The following CAD variants were observed in gnomAD, a reference collection of about 807,000 sequenced individuals.
CAD encodes the protein carbamoyl-phosphate synthetase 2, aspartate transcarbamylase, and dihydroorotase.
CAD carries 81 observed loss-of-function variants against 237.2 expected under a neutral mutation model. The observed-to-expected ratio is 0.34, with a 90% CI of 0.29 to 0.41. The LOEUF (loss-of-function observed/expected upper bound fraction) is 0.41, where lower values mean the gene tolerates loss of function less well. Among genes scored for constraint, CAD ranks in the 10% least tolerant of loss-of-function variants. CAD has a pLI of 1.00. For missense variants in CAD, 2,181 were observed against 2,951.7 expected (o/e 0.74, Z 6.05); for synonymous variants, 1,196 against 1,162.8 (o/e 1.03, Z -0.58).
rs767613339 is a variant in CAD at position 27,234,041 on chromosome 2, G to T, written c.3433G>T (p.Val1145Leu). The T allele has an allele frequency of 6.2e-7, 1 of 1,614,112 alleles. No individual in the cohort carries two copies. The highest frequency in any genetic ancestry group is 1.1e-5 in the South Asian group (1 of 91,070). Residue 1145 changes from valine to leucine, a missense_variant, in exon 22 of 44, where the codon GTG (valine) becomes TTG (leucine). By Grantham distance (32) the Val-to-Leu change is conservative (BLOSUM62 1). Coordinates refer to ENST00000264705, the MANE Select transcript of CAD (RefSeq NM_004341.5). ...CGTGGATGCCGTGGCCTCTGATGGT[G>T]TGGTGGCAGCCATCGCCATCTCTGA... Reference protein sequence around the residue: ...IDVDAVASDGVVAAIAISEHV... With the variant: ...IDVDAVASDGLVAAIAISEHV...
chr2:27,225,593 T>G, intron 11 of CAD, 112 bp from the exon 12 acceptor site: 51 of 784,250 alleles, frequency 6.5e-5, no homozygotes, highest in Non-Finnish European at 7.6e-5. Flanking sequence ...GTTACAGGCG[T>G]GAGCCACTAT....
intron 8 of CAD, 94 bp downstream of exon 8, chr2:27,224,123 G>A: frequency 3.0e-6 from 3 of 997,434 alleles, no homozygotes; most frequent in Non-Finnish European, 4.7e-6. Context: ...ACTCCTAGAT[G>A]TCTAGGAGGT....
At chr2:27,225,673 A>G (rs758548670) in intron 11 of CAD, 32 bp from the exon 12 acceptor site, 3 of 1,495,240 alleles carry the variant, frequency 2.0e-6, no homozygotes, top group East Asian at 4.5e-5. Context: ...GTAGGAAATA[A>G]CCTGTTTGTT....
rs1239349068 is a variant in CAD, at chr2:27,223,547, A to C, written c.810-16A>C. The C allele has an allele frequency of 6.2e-7, 1 of 1,610,944 alleles. No homozygotes were observed. Among genetic ancestry groups the C allele is most frequent in the Non-Finnish European group, 8.5e-7 (1 of 1,178,944 alleles). On this transcript the variant is annotated splice_polypyrimidine_tract_variant and intron_variant, in intron 6 of 43. Coordinates refer to ENST00000264705, the MANE Select transcript of CAD (RefSeq NM_004341.5). ...GGGTGAGCAGGGCCTGTGACTCGGC[A>C]TGCTTCTACCTCCAGATATGGGAAC...
At chr2:27,226,003 C>CT (rs1274972612) in intron 12 of CAD, 77 bp downstream of exon 12, 1 of 1,521,404 alleles carries the variant, frequency 6.6e-7, no homozygotes. Flanking sequence ...AGGCCAAGGT[C>CT]TTTGAGAGTT....
chr2:27,223,121 T>C lies in CAD; in HGVS notation c.809+84T>C, dbSNP rs547789049. 8 of 1,441,756 alleles carry C rather than the reference T, an allele frequency of 5.5e-6. No homozygotes were observed. The African/African-American group carries it at 8.4e-5, about 15-fold the overall frequency. 89.3% of individuals were successfully genotyped at this position (1,441,756 alleles called of 1,614,324 possible). On this transcript the variant is annotated intron_variant, in intron 6 of 43. Transcript: ENST00000264705. ...CAGGAATGAGAAGAGAGTTGGTGTT[T>C]ATTCGTGTTGAAATAGGAGCGGGGG...
Position 27,232,936 on chromosome 2 carries a change from G to A in CAD, c.2893-106G>A. On this transcript the variant is annotated intron_variant, in intron 18 of 43. Coordinates refer to ENST00000264705, the MANE Select transcript of CAD (RefSeq NM_004341.5). The surrounding 1 kb of genome is among the most constrained non-coding windows in gnomAD (Gnocchi z 4.1). ...CTGTACAGCTCTTTCAGAGGAAGCT[G>A]TGCTGGCAGTCTCTGAAGTAGGGGC... 7 of 857,290 alleles carry A rather than the reference G, an allele frequency of 8.2e-6. No individual in the cohort carries two copies. Among genetic ancestry groups the A allele is most frequent in the South Asian group, 1.4e-5 (1 of 69,582 alleles). The allele number at this position is 857,290 out of a possible 1,614,324, so 53.1% of individuals were successfully genotyped here. A position where few individuals can be genotyped will look rare whatever the true frequency, so the allele number is the denominator to read the frequency against.
Position 27,239,858 on chromosome 2 carries a change from C to A in CAD, c.5496+60C>A. 8.2e-7 allele frequency: 1 copy of A among 1,212,250 alleles called. No homozygotes were observed. Among genetic ancestry groups the A allele is most frequent in the Non-Finnish European group, 1.2e-6 (1 of 868,330 alleles). The allele number at this position is 1,212,250 out of a possible 1,614,324, so 75.1% of individuals were successfully genotyped here. Reference sequence around the variant, plus strand: ...GTTAGTCTCAGGGCAGGATGAACAGCTTGAACATTTTCATTGGTGGTTCAG... The same window carrying A: ...GTTAGTCTCAGGGCAGGATGAACAGATTGAACATTTTCATTGGTGGTTCAG... On this transcript the variant is annotated intron_variant, in intron 34 of 43. Coordinates refer to ENST00000264705, the MANE Select transcript of CAD (RefSeq NM_004341.5). This position sits in a 1 kb window ranked among gnomAD's most constrained non-coding sequence, Gnocchi z 4.0.
intron 2 of CAD, among the ~76,000 whole-genome samples, chr2:27,220,993 T>C (rs1303813082): frequency 6.6e-6 from 1 of 151,970 alleles, no homozygotes; most frequent in Non-Finnish European, 1.5e-5. Flanking sequence ...AAAAGGAAAA[T>C]GTCATTTTCA....
chr2:27,241,019 C>A lies in CAD; in HGVS notation c.5639-39C>A. 1 of 1,613,740 alleles carries A rather than the reference C, an allele frequency of 6.2e-7. No homozygotes were observed. Among genetic ancestry groups the A allele is most frequent in the Non-Finnish European group, 8.5e-7 (1 of 1,179,766 alleles). On this transcript the variant is annotated intron_variant, in intron 36 of 43. Coordinates refer to ENST00000264705, the MANE Select transcript of CAD (RefSeq NM_004341.5). This position sits in a 1 kb window ranked among gnomAD's most constrained non-coding sequence, Gnocchi z 4.6. ...TCTGATCTGGCCTTGGTAGGAGGAA[C>A]CCTCTGACCAGCCTTTTCTGCCCCA...
chr2:27,238,033 TC>T, intron 29 of CAD, 22 bp from the exon 30 acceptor site: 1 of 1,613,488 alleles, frequency 6.2e-7, no homozygotes, highest in Non-Finnish European at 8.5e-7. Context: ...GCACACTCCT[TC>T]ATCAGTTCTT....
chr2:27,239,253 G>A lies in CAD; in HGVS notation c.5253+21G>A, dbSNP rs748229320. ...TGGAGGTGTGGGGATGAGGCCCAGA[G>A]CAGGAGGGGGGCTCTCCAGCCCTAG... On this transcript the variant is annotated intron_variant, in intron 32 of 43. Coordinates refer to ENST00000264705, the MANE Select transcript of CAD (RefSeq NM_004341.5). The surrounding 1 kb of genome is among the most constrained non-coding windows in gnomAD (Gnocchi z 4.0). The A allele has an allele frequency of 1.9e-6, 3 of 1,601,256 alleles. No individual in the cohort carries two copies. Among genetic ancestry groups the A allele is most frequent in the East Asian group, 2.2e-5 (1 of 44,566 alleles).
In CAD at chr2:27,218,057, C is replaced by T. The variant is rs200317230; in HGVS notation, c.222+41C>T. 6 of 1,537,330 alleles carry T rather than the reference C, an allele frequency of 3.9e-6. No individual in the cohort carries two copies. In the East Asian group the frequency reaches 9.4e-5, roughly 24 times the overall value. Reference sequence around the variant, plus strand: ...GCTTTCTCTACATTCCTTTTCAAGTCAGTAATTGTTAACTATTAGTGAAGT... The same window carrying T: ...GCTTTCTCTACATTCCTTTTCAAGTTAGTAATTGTTAACTATTAGTGAAGT... On this transcript the variant is annotated intron_variant, in intron 2 of 43. Coordinates refer to ENST00000264705, the MANE Select transcript of CAD (RefSeq NM_004341.5).
At chr2:27,223,166 C>T (rs1675263236) in intron 6 of CAD, 129 bp downstream of exon 6, 11 of 953,268 alleles carry the variant, frequency 1.2e-5, no homozygotes, top group Non-Finnish European at 1.4e-5. Flanking sequence ...TGAGGTGGCT[C>T]CCACCTGTAA....
Position 27,236,909 on chromosome 2 carries a change from T to TG in CAD, c.4396+85dup, listed in dbSNP as rs1676038440. On this transcript the variant is annotated intron_variant, in intron 27 of 43. Transcript: ENST00000264705. This position sits in a 1 kb window ranked among gnomAD's most constrained non-coding sequence, Gnocchi z 4.1. ...GACCTGCAGTGTGGTGAAGGATGGCTGGGGGGCCCACTCTTTGTCCTGGAC... is the reference window on the plus strand; with the variant it reads ...GACCTGCAGTGTGGTGAAGGATGGCTGGGGGGGCCCACTCTTTGTCCTGGAC... The TG allele has an allele frequency of 6.8e-6, 8 of 1,173,536 alleles. No individual in the cohort carries two copies. In the East Asian group the frequency reaches 1.2e-4, roughly 17 times the overall value. 72.7% of individuals were successfully genotyped at this position (1,173,536 alleles called of 1,614,324 possible).
chr2:27,231,738 C>T (rs935971588), intron 16 of CAD, among the ~76,000 whole-genome samples, 158 bp downstream of exon 16: 6 of 152,210 alleles, frequency 3.9e-5, no homozygotes, highest in Non-Finnish European at 7.3e-5. Flanking sequence ...CTCATTAGCA[C>T]GCAAGGGTGT....
intron 4 of CAD, 57 bp downstream of exon 4, chr2:27,222,393 C>A: frequency 6.3e-7 from 1 of 1,586,376 alleles, no homozygotes; most frequent in African/African-American, 1.3e-5. Flanking sequence ...TATATTCTGC[C>A]CACAATTGGG....
Position 27,221,363 on chromosome 2 carries a change from G to A in CAD, c.352+16G>A. ...GGCTTGCAAGGTATGGTGGCAAGCA[G>A]GGGCATATTTGGGCAGAGCACAGCA... is the stretch of plus-strand genomic sequence containing the variant. On this transcript the variant is annotated intron_variant, in intron 3 of 43. Coordinates refer to ENST00000264705, the MANE Select transcript of CAD (RefSeq NM_004341.5). 4 of 1,546,342 alleles carry A rather than the reference G, an allele frequency of 2.6e-6. No homozygotes were observed. Among genetic ancestry groups the A allele is most frequent in the Non-Finnish European group, 3.5e-6 (4 of 1,147,134 alleles).
rs1050604871 is a variant in CAD, at chr2:27,217,819, C to T, written c.83-58C>T. 2.3e-5 allele frequency: 35 copies of T among 1,535,284 alleles called. No homozygotes were observed. The African/African-American group carries it at 4.6e-4, about 20-fold the overall frequency. On this transcript the variant is annotated intron_variant, in intron 1 of 43. Coordinates refer to ENST00000264705, the MANE Select transcript of CAD (RefSeq NM_004341.5). ...AGCCTCCACTGGGGCGTGCTCATCGCGCGGGGAGTGTTCCGAAGGGTGCCC... is the reference window on the plus strand; with the variant it reads ...AGCCTCCACTGGGGCGTGCTCATCGTGCGGGGAGTGTTCCGAAGGGTGCCC...
Sources: gnomAD v4.1 joint callset for allele counts (sites outside exome capture counted in the v4.1 genomes callset) on GRCh38, gnomAD v4.1.1 for gene constraint, Gnocchi (gnomAD v3.1) non-coding constraint, MANE v1.5 for transcripts, NCBI Gene and HGNC (gene_info 2026-07-23, HGNC 2026-07-21) for gene names.